Variants in STEAP2 observed in about 807,000 individuals in gnomAD.
STEAP2 encodes the protein metalloreductase STEAP2.
In STEAP2, 30 loss-of-function variants were observed where a neutral mutation model predicts 46.4. That is an observed-to-expected ratio of 0.65 (90% CI 0.48 to 0.88). STEAP2 has a LOEUF of 0.88. Among genes scored for constraint, STEAP2 ranks in the 40% least tolerant of loss-of-function variants. STEAP2 has a pLI of 0.00. For synonymous variants in STEAP2, 180 were observed against 200.5 expected (o/e 0.90, Z 0.86); for missense variants, 513 against 579.3 (o/e 0.89, Z 1.18).
chr7:90,231,196 A>C lies in STEAP2; in HGVS notation c.1186-1141A>C, dbSNP rs561500414. ...AAGAATGATGAGCTTTTAGAATTTA[A>C]ACTGTAAAGTGCCTAACTGAAGTAT... is the stretch of plus-strand genomic sequence containing the variant. On this transcript the variant is annotated intron_variant, in intron 5 of 5. Coordinates refer to ENST00000394621, the MANE Select transcript of STEAP2 (RefSeq NM_001244944.2). Among the ~76,000 whole-genome samples, 52 of 152,046 alleles carry C rather than the reference A, an allele frequency of 3.4e-4. No individual in the cohort carries two copies. The Middle Eastern group carries it at 0.01, about 30-fold the overall frequency.
chr7:90,231,074 G>A lies in STEAP2; in HGVS notation c.1185+1038G>A, dbSNP rs1332224715. 3.3e-5 allele frequency among the ~76,000 whole-genome samples: 5 copies of A among 151,900 alleles called. No individual in the cohort carries two copies. The East Asian group carries it at 9.7e-4, about 29-fold the overall frequency. On this transcript the variant is annotated intron_variant, in intron 5 of 5. Transcript: ENST00000394621. ...TGGAGGGTTGATATTTTCCAGTAAA[G>A]TTAGACATTACATCACTATACTGAT...
At chr7:90,224,617 T>A (rs1372403087) in intron 2 of STEAP2, among the ~76,000 whole-genome samples, 1 of 152,156 alleles carries the variant, frequency 6.6e-6, no homozygotes, top group Non-Finnish European at 1.5e-5. Context: ...TAAGCCCCCA[T>A]TTGGGGGCTT....
intron 1 of STEAP2, chr7:90,215,790 T>A (rs1263024433): frequency 6.6e-6 from 1 of 152,332 alleles, no homozygotes; most frequent in South Asian, 2.1e-4. Context: ...TGTTTTTGTT[T>A]GTTTTTGTTT....
In STEAP2 at chr7:90,235,315, A is replaced by G. The variant is rs993890952; in HGVS notation, c.*2691A>G. On this transcript the variant is annotated 3_prime_UTR_variant, in exon 6 of 6. Transcript: ENST00000394621. ...ATTTTGAAGTTTTAGAATAAATGTAATATATTTACTATAATTCTAAATGTT... is the reference window on the plus strand; with the variant it reads ...ATTTTGAAGTTTTAGAATAAATGTAGTATATTTACTATAATTCTAAATGTT... The G allele has an allele frequency of 1.4e-5, 13 of 951,288 alleles. No individual in the cohort carries two copies. The South Asian group carries it at 1.9e-4, about 14-fold the overall frequency. The allele number at this position is 951,288 out of a possible 1,614,324, so 58.9% of individuals were successfully genotyped here.
rs562731022 is a variant in STEAP2 at position 90,225,231 on chromosome 7, T to C, written c.149T>C (p.Ile50Thr). Residue 50 changes from isoleucine to threonine, a missense_variant, in exon 3 of 6, where the codon ATT becomes ACT. Ile to Thr is a moderately conservative substitution (Grantham distance 89). Coordinates refer to ENST00000394621, the MANE Select transcript of STEAP2 (RefSeq NM_001244944.2). ...DFAKSLTIRL[I>T]RCGYHVVIGS... Reference sequence around the variant, plus strand: ...GCCAAATCCTTGACCATTCGACTTATTAGATGCGGCTATCATGTGGTCATA... The same window carrying C: ...GCCAAATCCTTGACCATTCGACTTACTAGATGCGGCTATCATGTGGTCATA... 5.0e-6 allele frequency: 8 copies of C among 1,614,020 alleles called. No individual in the cohort carries two copies. The highest frequency in any genetic ancestry group is 4.0e-5 in the African/African-American group (3 of 75,036).
intron 5 of STEAP2, among the ~76,000 whole-genome samples, chr7:90,231,384 A>T (rs1795741439): frequency 6.6e-6 from 1 of 151,736 alleles, no homozygotes; most frequent in Admixed American, 6.6e-5. Flanking sequence ...TAGTTTATTT[A>T]ATTTTATCAT....
rs778459079 is a variant in STEAP2 at position 90,233,278 on chromosome 7, C to T, written c.*654C>T. On this transcript the variant is annotated 3_prime_UTR_variant, in exon 6 of 6. Transcript: ENST00000394621. The stretch of plus-strand genomic sequence containing the variant: ...TGAAATACATACTGATAATACATAC[C>T]TCATGAAAGATTTTATTCTTTATTG... 1 of 945,052 alleles carries T rather than the reference C, an allele frequency of 1.1e-6. No homozygotes were observed. Among genetic ancestry groups the T allele is most frequent in the African/African-American group, 1.8e-5 (1 of 56,224 alleles). The allele number at this position is 945,052 out of a possible 1,614,324, so 58.5% of individuals were successfully genotyped here. A position where few individuals can be genotyped will look rare whatever the true frequency, so the allele number is the denominator to read the frequency against.
chr7:90,217,080 G>A (rs1166899072), intron 2 of STEAP2, among the ~76,000 whole-genome samples: 3 of 152,180 alleles, frequency 2.0e-5, no homozygotes, highest in Non-Finnish European at 2.9e-5. Context: ...AGAACATTGA[G>A]GGAAGTAGGA....
intron 4 of STEAP2, among the ~76,000 whole-genome samples, chr7:90,228,260 T>C (rs994511530): frequency 2.6e-5 from 4 of 152,204 alleles, no homozygotes; most frequent in African/African-American, 9.6e-5. Flanking sequence ...AAAACAAATG[T>C]GTAAAAGCAT....
chr7:90,217,355 ACTT>A lies in STEAP2; in HGVS notation c.-34+758_-34+760del, dbSNP rs549238466. ...ACTTTGCTATTGAACATTAGAACTT[ACTT>A]CTTCTAACTGTACATTTGTATCCAT... is the stretch of plus-strand genomic sequence containing the variant. On this transcript the variant is annotated intron_variant, in intron 2 of 5. Coordinates refer to ENST00000394621, the MANE Select transcript of STEAP2 (RefSeq NM_001244944.2). Among the ~76,000 whole-genome samples the A allele has an allele frequency of 1.8e-3, 271 of 152,172 alleles. 2 individuals carry two copies. The highest frequency in any genetic ancestry group is 6.4e-3 in the African/African-American group (264 of 41,534).
chr7:90,226,944 T>C (rs756501448), intron 3 of STEAP2, 27 bp from the exon 4 acceptor site: 3 of 1,539,952 alleles, frequency 1.9e-6, no homozygotes, highest in African/African-American at 2.8e-5. Flanking sequence ...ACAATGGTAA[T>C]GCTGAGTCTT....
chr7:90,216,856 G>C (rs1383569201), intron 2 of STEAP2, among the ~76,000 whole-genome samples: 3 of 152,190 alleles, frequency 2.0e-5, no homozygotes, highest in African/African-American at 7.2e-5. Context: ...TGGTAGGGGG[G>C]TGACCCGTCA....
chr7:90,233,839 T>A lies in STEAP2; in HGVS notation c.*1215T>A, dbSNP rs1199063842. The A allele has an allele frequency of 1.0e-6, 1 of 985,262 alleles. No individual in the cohort carries two copies. The highest frequency in any genetic ancestry group is 1.1e-4 in the East Asian group (1 of 8,822). The allele number at this position is 985,262 out of a possible 1,614,324, so 61.0% of individuals were successfully genotyped here. On this transcript the variant is annotated 3_prime_UTR_variant, in exon 6 of 6. Coordinates refer to ENST00000394621, the MANE Select transcript of STEAP2 (RefSeq NM_001244944.2). The stretch of plus-strand genomic sequence containing the variant: ...TGCTTCCTCTTTTGTATAAAGTCAC[T>A]GACATTCTTTAGAGTGGGTTGGGTG...
intron 3 of STEAP2, 21 bp from the exon 4 acceptor site, chr7:90,226,950 G>A: frequency 6.5e-7 from 1 of 1,544,754 alleles, no homozygotes; most frequent in Non-Finnish European, 8.7e-7. Flanking sequence ...GTAATGCTGA[G>A]TCTTTTTGTT....
In STEAP2 at chr7:90,237,162, G is replaced by A; in HGVS notation, c.*4538G>A. The A allele has an allele frequency of 2.0e-6, 1 of 497,604 alleles. No individual in the cohort carries two copies. The highest frequency in any genetic ancestry group is 3.5e-6 in the Non-Finnish European group (1 of 286,212). The allele number at this position is 497,604 out of a possible 1,614,324, so 30.8% of individuals were successfully genotyped here. ...AGAGGATCAAAGCCACACCCAAAGA[G>A]TAAGGCAGATTAGAGACCAGAAAGA... On this transcript the variant is annotated 3_prime_UTR_variant, in exon 6 of 6. Coordinates refer to ENST00000394621, the MANE Select transcript of STEAP2 (RefSeq NM_001244944.2).
rs548617609 is a variant in STEAP2, at chr7:90,221,145, C to G, written c.-33-3905C>G. On this transcript the variant is annotated intron_variant, in intron 2 of 5. Transcript: ENST00000394621. ...TGTTTGTTAGGTCCATTTGGTCTAA[C>G]GTATAGTTTAAATTCAATGTTTCTT... is the stretch of plus-strand genomic sequence containing the variant. 2.0e-4 allele frequency among the ~76,000 whole-genome samples: 31 copies of G among 152,174 alleles called. No individual in the cohort carries two copies. The South Asian group carries it at 6.4e-3, about 32-fold the overall frequency.
intron 5 of STEAP2, among the ~76,000 whole-genome samples, chr7:90,230,663 T>C (rs194522): frequency 0.9 from 136,852 of 151,948 alleles, 61,906 homozygotes; most frequent in East Asian, 1. Context: ...AACATTCACC[T>C]TCTCCAATAA....
intron 2 of STEAP2, 60 bp from the exon 3 acceptor site, chr7:90,224,990 A>G (rs1410872566): frequency 8.6e-6 from 12 of 1,392,158 alleles, no homozygotes; most frequent in Non-Finnish European, 1.2e-5. Context: ...TACAATGTCT[A>G]GAAGTGTTTT....
At chr7:90,226,549 C>T (rs1054912000) in intron 3 of STEAP2, among the ~76,000 whole-genome samples, 1 of 151,956 alleles carries the variant, frequency 6.6e-6, no homozygotes, top group African/African-American at 2.4e-5. Context: ...CTAATGTTAT[C>T]CAAGATTAAT....
Sources: gnomAD v4.1 joint callset for allele counts (sites outside exome capture counted in the v4.1 genomes callset) on GRCh38, gnomAD v4.1.1 for gene constraint, MANE v1.5 for transcripts, NCBI Gene and HGNC (gene_info 2026-07-23, HGNC 2026-07-21) for gene names.